The following COL4A2 variants were observed in gnomAD, a reference collection of about 807,000 sequenced individuals.
The protein encoded by COL4A2 is collagen alpha-2(IV) chain.
A neutral mutation model predicts 200.2 loss-of-function variants in COL4A2; 99 were observed. That is an observed-to-expected ratio of 0.49 (90% CI 0.42 to 0.58). COL4A2 has a LOEUF of 0.58. Ranked by LOEUF, COL4A2 falls within the 20% of genes least tolerant of loss-of-function variation. The probability of loss-of-function intolerance (pLI) is 0.00; values close to 1 mark genes in which losing one functional copy is unlikely to be tolerated. For missense variants in COL4A2, 1,950 were observed against 2,314.1 expected (o/e 0.84, Z 3.23); for synonymous variants, 897 against 900.6 (o/e 1.00, Z 0.07).
At chr13:110,371,317 A>G (rs1393244834) in intron 4 of COL4A2, among the ~76,000 whole-genome samples, 1 of 152,204 alleles carries the variant, frequency 6.6e-6, no homozygotes, top group Non-Finnish European at 1.5e-5. Flanking sequence ...TAAAGTGTAC[A>G]TGATGTGCGT....
chr13:110,345,223 G>A (rs1325904350), intron 3 of COL4A2, among the ~76,000 whole-genome samples: 1 of 152,206 alleles, frequency 6.6e-6, no homozygotes, highest in Non-Finnish European at 1.5e-5. Flanking sequence ...AAGGAACAGT[G>A]TGTACAAACG....
intron 3 of COL4A2, among the ~76,000 whole-genome samples, chr13:110,331,043 T>C (rs771473013): frequency 5.4e-5 from 8 of 149,300 alleles, no homozygotes; most frequent in Non-Finnish European, 8.9e-5. Flanking sequence ...ATCAGTAATA[T>C]TTTTTTCTTT....
At chr13:110,498,881 G>A (rs979342018) in intron 40 of COL4A2, among the ~76,000 whole-genome samples, 12 of 152,150 alleles carry the variant, frequency 7.9e-5, no homozygotes, top group South Asian at 2.1e-4. Flanking sequence ...CGGTGTCCCC[G>A]GCTTCCAAGC....
intron 4 of COL4A2, among the ~76,000 whole-genome samples, chr13:110,379,004 C>T (rs558142553): frequency 6.6e-6 from 1 of 152,222 alleles, no homozygotes; most frequent in African/African-American, 2.4e-5. Context: ...ATTTGGGCCC[C>T]GTTTGTAGTC....
chr13:110,324,754 G>A (rs895513184), intron 3 of COL4A2, among the ~76,000 whole-genome samples: 4 of 152,304 alleles, frequency 2.6e-5, no homozygotes, highest in African/African-American at 9.6e-5. Context: ...GCCTTGAGTG[G>A]TTGCTTTCTA....
chr13:110,472,113 C>CTTTTTTTTTT (rs112919154), intron 28 of COL4A2, among the ~76,000 whole-genome samples: 1 of 145,960 alleles, frequency 6.9e-6, no homozygotes, highest in Non-Finnish European at 1.5e-5. Flanking sequence ...TTTCTTTTTT[C>CTTTTTTTTTT]TTTTTATTTT....
chr13:110,391,278 C>G (rs1455111847), intron 4 of COL4A2, among the ~76,000 whole-genome samples: 1 of 152,176 alleles, frequency 6.6e-6, no homozygotes, highest in African/African-American at 2.4e-5. Flanking sequence ...CTCTACAGAG[C>G]CCCTTCTGCT....
intron 20 of COL4A2, among the ~76,000 whole-genome samples, chr13:110,450,806 C>T (rs549837893): frequency 2.3e-4 from 35 of 152,300 alleles, no homozygotes; most frequent in African/African-American, 7.7e-4. Flanking sequence ...GCCTCTGTGT[C>T]GGGGTGATAC....
At chr13:110,337,352 A>C (rs1006605580) in intron 3 of COL4A2, among the ~76,000 whole-genome samples, 8 of 152,220 alleles carry the variant, frequency 5.3e-5, no homozygotes, top group African/African-American at 1.9e-4. Context: ...TTTCCTAACT[A>C]ATAAGTGCCA....
At chr13:110,466,174 C>A in intron 26 of COL4A2, 112 bp downstream of exon 26, 1 of 1,288,210 alleles carries the variant, frequency 7.8e-7, no homozygotes, top group Non-Finnish European at 1.1e-6. Context: ...ATGTGCAAGC[C>A]ACGTTTGATT....
intron 37 of COL4A2, 81 bp downstream of exon 37, chr13:110,491,421 T>C (rs1883281656): frequency 1.1e-6 from 1 of 931,500 alleles, no homozygotes; most frequent in African/African-American, 1.6e-5. Flanking sequence ...ACATTGTCAA[T>C]TTCCTCCAAT....
chr13:110,440,904 T>C (rs546342986), intron 16 of COL4A2, among the ~76,000 whole-genome samples: 3 of 152,360 alleles, frequency 2.0e-5, no homozygotes, highest in African/African-American at 7.2e-5. Flanking sequence ...GAAATGTGTC[T>C]GTGCTGCTCT....
chr13:110,390,513 G>A (rs1878947374), intron 4 of COL4A2, among the ~76,000 whole-genome samples: 1 of 152,218 alleles, frequency 6.6e-6, no homozygotes, highest in Admixed American at 6.5e-5. Flanking sequence ...TGGGTGAGGA[G>A]CAGAACCTGG....
rs766115921 is a variant in COL4A2 at position 110,465,616 on chromosome 13, A to G, written c.1978+10A>G. 7.1e-5 allele frequency: 114 copies of G among 1,599,264 alleles called. No individual in the cohort carries two copies. The highest frequency in any genetic ancestry group is 1.8e-4 in the Middle Eastern group (1 of 5,688). On this transcript the variant is annotated intron_variant, in intron 25 of 47. Transcript: ENST00000360467. Reference sequence around the variant, plus strand: ...ACCCCAGGACAAATAGGTATGAAGGAATCCTCCCTTTTACCTTTCACAGTC... The same window carrying G: ...ACCCCAGGACAAATAGGTATGAAGGGATCCTCCCTTTTACCTTTCACAGTC...
intron 3 of COL4A2, among the ~76,000 whole-genome samples, chr13:110,346,796 T>C (rs1253011166): frequency 6.6e-6 from 1 of 152,154 alleles, no homozygotes; most frequent in Non-Finnish European, 1.5e-5. Flanking sequence ...ATGAGGCACA[T>C]GTGAGTCTCC....
intron 3 of COL4A2, among the ~76,000 whole-genome samples, chr13:110,334,320 G>A (rs1280050446): frequency 2.6e-5 from 4 of 152,112 alleles, no homozygotes; most frequent in South Asian, 4.2e-4. Flanking sequence ...GATGTGGCCC[G>A]CATCTAACCT....
At chr13:110,476,569 C>T (rs573090186) in intron 29 of COL4A2, among the ~76,000 whole-genome samples, 1 of 152,300 alleles carries the variant, frequency 6.6e-6, no homozygotes, top group East Asian at 1.9e-4. Context: ...CCCTCCTGTG[C>T]ACCCCCCTGG....
chr13:110,461,993 G>A (rs1001835914), intron 22 of COL4A2, 121 bp from the exon 23 acceptor site: 17 of 1,441,274 alleles, frequency 1.2e-5, no homozygotes, highest in Admixed American at 2.1e-5. Flanking sequence ...CTTGGGTGGC[G>A]CTCGGTTTGG....
chr13:110,403,497 CT>C (rs1202142917), intron 4 of COL4A2, among the ~76,000 whole-genome samples: 1 of 152,170 alleles, frequency 6.6e-6, no homozygotes, highest in African/African-American at 2.4e-5. Context: ...CAATAACATG[CT>C]TCTCATTTCT....
Sources: gnomAD v4.1 joint callset for allele counts (sites outside exome capture counted in the v4.1 genomes callset) on GRCh38, gnomAD v4.1.1 for gene constraint, MANE v1.5 for transcripts, NCBI Gene and HGNC (gene_info 2026-07-23, HGNC 2026-07-21) for gene names.